The following CCDC171 variants were observed in gnomAD, a reference collection of about 807,000 sequenced individuals.
CCDC171 encodes the protein coiled-coil domain-containing protein 171.
A neutral mutation model predicts 168.2 loss-of-function variants in CCDC171; 177 were observed. The observed-to-expected ratio is 1.05, with a 90% CI of 0.93 to 1.19. CCDC171 has a LOEUF of 1.19. CCDC171 is among the 50% of genes most tolerant of loss of function. The probability of loss-of-function intolerance (pLI) is 0.00; values close to 1 mark genes in which losing one functional copy is unlikely to be tolerated. For missense variants in CCDC171, 1,991 were observed against 1,539.0 expected (o/e 1.29, Z -4.91); for synonymous variants, 687 against 540.8 (o/e 1.27, Z -3.75).
intron 7 of CCDC171, among the ~76,000 whole-genome samples, chr9:15,633,712 G>C (rs1211045379): frequency 6.6e-6 from 1 of 152,110 alleles, no homozygotes; most frequent in Non-Finnish European, 1.5e-5. Context: ...CTACTATACA[G>C]ACACATGCAC....
chr9:15,622,048 C>G (rs3122701), intron 6 of CCDC171, among the ~76,000 whole-genome samples: 8,252 of 152,244 alleles, frequency 0.054, 270 homozygotes, highest in African/African-American at 0.089. Context: ...CCAAATACCA[C>G]ATGTTCTCAC....
intron 21 of CCDC171, among the ~76,000 whole-genome samples, chr9:15,824,412 A>G (rs374354024): frequency 6.6e-6 from 1 of 151,790 alleles, no homozygotes; most frequent in South Asian, 2.1e-4. Context: ...ATATTCTGTG[A>G]TGTGTTTTGG....
At chr9:15,910,496 A>T (rs956172339) in intron 24 of CCDC171, among the ~76,000 whole-genome samples, 1 of 151,970 alleles carries the variant, frequency 6.6e-6, no homozygotes, top group Non-Finnish European at 1.5e-5. Flanking sequence ...AAGTTAGGTT[A>T]TGTGATGTCT....
At chr9:15,943,217 A>G (rs1443415593) in intron 25 of CCDC171, among the ~76,000 whole-genome samples, 1 of 152,012 alleles carries the variant, frequency 6.6e-6, no homozygotes, top group East Asian at 1.9e-4. Flanking sequence ...GCATGGTGGC[A>G]GTGTGGTATT....
intron 21 of CCDC171, among the ~76,000 whole-genome samples, chr9:15,784,996 T>C (rs1214831696): frequency 6.6e-6 from 1 of 152,148 alleles, no homozygotes; most frequent in African/African-American, 2.4e-5. Flanking sequence ...CTTCTTTATT[T>C]CTTCCTCTCT....
At chr9:15,756,112 C>T (rs1328250505) in intron 18 of CCDC171, among the ~76,000 whole-genome samples, 3 of 152,048 alleles carry the variant, frequency 2.0e-5, no homozygotes, top group Non-Finnish European at 4.4e-5. Context: ...TTATTCCTGG[C>T]TGGCTAGCTA....
intron 11 of CCDC171, among the ~76,000 whole-genome samples, chr9:15,697,652 G>C (rs1313804568): frequency 6.6e-6 from 1 of 152,212 alleles, no homozygotes; most frequent in Non-Finnish European, 1.5e-5. Flanking sequence ...CCATTAAGTT[G>C]TGAGAGCATT....
chr9:15,696,995 C>G (rs190018888), intron 11 of CCDC171, among the ~76,000 whole-genome samples: 70 of 152,258 alleles, frequency 4.6e-4, no homozygotes, highest in African/African-American at 1.7e-3. Flanking sequence ...CCTTTACACC[C>G]TTCTCCCCTT....
intron 25 of CCDC171, among the ~76,000 whole-genome samples, chr9:15,963,533 C>T (rs575363237): frequency 1.2e-4 from 18 of 152,168 alleles, no homozygotes; most frequent in African/African-American, 4.1e-4. Flanking sequence ...AGCTTATGTC[C>T]CTAACTACAT....
intron 23 of CCDC171, among the ~76,000 whole-genome samples, chr9:15,849,361 T>C (rs1452009972): frequency 6.6e-6 from 1 of 151,178 alleles, no homozygotes; most frequent in African/African-American, 2.4e-5. Context: ...GTAATACTCA[T>C]ATATATAAAC....
intron 21 of CCDC171, among the ~76,000 whole-genome samples, chr9:15,844,833 GT>G (rs763956011): frequency 2.6e-5 from 4 of 152,040 alleles, no homozygotes; most frequent in Non-Finnish European, 5.9e-5. Flanking sequence ...TCAAGTGTGG[GT>G]TTATGATAAT....
chr9:16,001,186 G>A (rs1036530872), intron 3 of CCDC171, among the ~76,000 whole-genome samples: 1 of 152,188 alleles, frequency 6.6e-6, no homozygotes, highest in Non-Finnish European at 1.5e-5. Context: ...TGACAGGAGT[G>A]CATGATCTTG....
intron 3 of CCDC171, among the ~76,000 whole-genome samples, chr9:15,987,872 G>GA (rs1488064303): frequency 1.3e-5 from 2 of 149,950 alleles, no homozygotes; most frequent in Non-Finnish European, 3.0e-5. Context: ...CACACGGCCT[G>GA]AAAGGAATTG....
intron 3 of CCDC171, among the ~76,000 whole-genome samples, chr9:16,009,609 A>T (rs1035064725): frequency 6.6e-6 from 1 of 152,150 alleles, no homozygotes; most frequent in Non-Finnish European, 1.5e-5. Context: ...AGTAGTTCTA[A>T]TTATGTCCTA....
intron 21 of CCDC171, among the ~76,000 whole-genome samples, chr9:15,798,871 G>A (rs2058683210): frequency 6.6e-6 from 1 of 151,626 alleles, no homozygotes; most frequent in South Asian, 2.1e-4. Flanking sequence ...ACTTTTAGGG[G>A]CTGCTGTAGT....
At chr9:15,700,758 C>A (rs905832297) in intron 11 of CCDC171, among the ~76,000 whole-genome samples, 3 of 152,056 alleles carry the variant, frequency 2.0e-5, no homozygotes. Flanking sequence ...GTAGCTGGGA[C>A]TGCAGGTGCA....
chr9:15,838,145 G>T (rs1588771611), intron 21 of CCDC171, among the ~76,000 whole-genome samples: 1 of 152,106 alleles, frequency 6.6e-6, no homozygotes, highest in Non-Finnish European at 1.5e-5. Context: ...TATATGGCTA[G>T]AATGTGCGTT....
At chr9:15,717,365 A>G (rs577136916) in intron 11 of CCDC171, among the ~76,000 whole-genome samples, 3 of 152,336 alleles carry the variant, frequency 2.0e-5, no homozygotes, top group East Asian at 1.9e-4. Context: ...ACTGTGGACT[A>G]AAGTGCTCAG....
intron 1 of CCDC171, among the ~76,000 whole-genome samples, chr9:16,059,378 G>C (rs570787193): frequency 6.6e-6 from 1 of 151,986 alleles, no homozygotes. Flanking sequence ...CCCCGGGTGA[G>C]AATATGCGTC....
Sources: gnomAD v4.1 joint callset for allele counts (sites outside exome capture counted in the v4.1 genomes callset) on GRCh38, gnomAD v4.1.1 for gene constraint, MANE v1.5 for transcripts, NCBI Gene and HGNC (gene_info 2026-07-23, HGNC 2026-07-21) for gene names.